The following PROM1 variants were observed in gnomAD, a reference collection of about 807,000 sequenced individuals.
The protein encoded by PROM1 is prominin-1.
A neutral mutation model predicts 116.9 loss-of-function variants in PROM1; 105 were observed. That is an observed-to-expected ratio of 0.90 (90% CI 0.77 to 1.06). The LOEUF is 1.06. Among genes scored for constraint, PROM1 ranks in the 50% least tolerant of loss-of-function variants. The probability of loss-of-function intolerance (pLI) is 0.00; values close to 1 mark genes in which losing one functional copy is unlikely to be tolerated. For missense variants in PROM1, 1,122 were observed against 1,045.2 expected, an observed-to-expected ratio of 1.07 and a Z score of -1.01; for synonymous variants, 393 against 387.0, an observed-to-expected ratio of 1.02 and a Z score of -0.18.
chr4:16,026,885 TG>T (rs1389159916), intron 5 of PROM1, among the ~76,000 whole-genome samples: 1 of 152,158 alleles, frequency 6.6e-6, no homozygotes, highest in Non-Finnish European at 1.5e-5. Flanking sequence ...TTCTGGGTCC[TG>T]TCCTGCCACC....
Position 16,033,586 on chromosome 4 carries a change from CTTTTTTTTTT to C in PROM1, c.304-87_304-78del, listed in dbSNP as rs60492380. ...AGAACATTCCATGGTGTACAAAGTT[CTTTTTTTTTT>C]TTTTTTTTTTTGAGACAGGGTCTCG... On this transcript the variant is annotated intron_variant, in intron 4 of 27. Coordinates refer to ENST00000447510, the MANE Select transcript of PROM1 (RefSeq NM_006017.3). The C allele has an allele frequency of 3.7e-5, 10 of 272,886 alleles. 1 individual carries two copies. The highest frequency in any genetic ancestry group is 2.8e-3 in the Middle Eastern group (2 of 704). The allele number at this position is 272,886 out of a possible 1,614,324, so 16.9% of individuals were successfully genotyped here. A position where few individuals can be genotyped will look rare whatever the true frequency, so the allele number is the denominator to read the frequency against.
intron 2 of PROM1, among the ~76,000 whole-genome samples, chr4:16,061,463 T>C (rs1740291688): frequency 6.6e-6 from 1 of 152,190 alleles, no homozygotes; most frequent in African/African-American, 2.4e-5. Flanking sequence ...CAAATGTATG[T>C]ATACACAATA....
At chr4:16,009,995 AAAAC>A (rs970974215) in intron 11 of PROM1, among the ~76,000 whole-genome samples, 3 of 152,180 alleles carry the variant, frequency 2.0e-5, no homozygotes, top group African/African-American at 4.8e-5. Context: ...GCCCATTTAA[AAAAC>A]AAACAAACAA....
chr4:16,036,641 CAT>C (rs1364355058), intron 3 of PROM1, among the ~76,000 whole-genome samples: 1 of 152,202 alleles, frequency 6.6e-6, no homozygotes, highest in African/African-American at 2.4e-5. Flanking sequence ...TGCTACAGCA[CAT>C]GAGTCAGAAG....
At chr4:15,994,983 G>A (rs1030484819) in intron 15 of PROM1, among the ~76,000 whole-genome samples, 1 of 152,228 alleles carries the variant, frequency 6.6e-6, no homozygotes, top group African/African-American at 2.4e-5. Flanking sequence ...ATGCCAGGCT[G>A]AGACACTTGG....
At position 16,045,683 on chromosome 4, in the gene PROM1, CAG is replaced by C. The variant is rs147844902; in HGVS notation, c.221-6684_221-6683del. 1.9e-3 allele frequency among the ~76,000 whole-genome samples: 283 copies of C among 152,260 alleles called. 1 individual carries two copies. The highest frequency in any genetic ancestry group is 6.6e-3 in the African/African-American group (276 of 41,538). On this transcript the variant is annotated intron_variant, in intron 2 of 27. Coordinates refer to ENST00000447510, the MANE Select transcript of PROM1 (RefSeq NM_006017.3). ...AAAGTAAACATACACATGACACATGCAGAGACTCACTGAAGCTTATAGACCAG... is the reference window on the plus strand; with the variant it reads ...AAAGTAAACATACACATGACACATGCAGACTCACTGAAGCTTATAGACCAG...
intron 26 of PROM1, among the ~76,000 whole-genome samples, chr4:15,977,372 C>T (rs1006462877): frequency 6.6e-6 from 1 of 152,180 alleles, no homozygotes; most frequent in Non-Finnish European, 1.5e-5. Context: ...GTCCTCTGAT[C>T]TTGAAAATTT....
intron 10 of PROM1, among the ~76,000 whole-genome samples, chr4:16,013,832 C>A (rs1326966655): frequency 6.6e-6 from 1 of 152,082 alleles, no homozygotes; most frequent in Admixed American, 6.6e-5. Flanking sequence ...GTCACCAGTG[C>A]TGAGGTTAAG....
At chr4:16,004,594 T>G (rs1349571806) in intron 13 of PROM1, among the ~76,000 whole-genome samples, 1 of 152,200 alleles carries the variant, frequency 6.6e-6, no homozygotes, top group East Asian at 1.9e-4. Context: ...GTTAAATTGT[T>G]GTTAAATTTG....
At chr4:16,032,742 T>G (rs1368413337) in intron 5 of PROM1, among the ~76,000 whole-genome samples, 2 of 152,248 alleles carry the variant, frequency 1.3e-5, no homozygotes, top group Non-Finnish European at 2.9e-5. Flanking sequence ...CAGCAGACAC[T>G]GCAGCAGAAA....
At chr4:16,071,459 T>G (rs1742790601) in intron 2 of PROM1, among the ~76,000 whole-genome samples, 1 of 152,206 alleles carries the variant, frequency 6.6e-6, no homozygotes, top group Non-Finnish European at 1.5e-5. Flanking sequence ...CTGACATTTC[T>G]GTGTTGAAGC....
chr4:16,030,027 CCTGT>C (rs1204092242), intron 5 of PROM1, among the ~76,000 whole-genome samples: 2 of 152,142 alleles, frequency 1.3e-5, no homozygotes, highest in Non-Finnish European at 2.9e-5. Context: ...TCTTTCTTCT[CCTGT>C]CTAACTACTC....
At chr4:16,073,351 G>GT (rs1743221890) in intron 2 of PROM1, among the ~76,000 whole-genome samples, 1 of 152,110 alleles carries the variant, frequency 6.6e-6, no homozygotes, top group African/African-American at 2.4e-5. Context: ...TTTCTGTTTT[G>GT]TTTTTTGCAT....
intron 2 of PROM1, among the ~76,000 whole-genome samples, chr4:16,073,098 T>C (rs1156333842): frequency 1.3e-5 from 2 of 152,168 alleles, no homozygotes; most frequent in Non-Finnish European, 2.9e-5. Flanking sequence ...CTGCTTGAAT[T>C]AAACTCTTTC....
chr4:16,018,791 G>A (rs565267985), intron 8 of PROM1, among the ~76,000 whole-genome samples: 2 of 152,242 alleles, frequency 1.3e-5, no homozygotes, highest in East Asian at 1.9e-4. Context: ...ACCAACCCAG[G>A]AGCATGATGG....
rs1480689476 is a variant in PROM1, at chr4:15,986,074, C to CAT, written c.2131-39_2131-38dup. 2.1e-6 allele frequency: 3 copies of CAT among 1,430,916 alleles called. No individual in the cohort carries two copies. In the Admixed American group the frequency reaches 6.2e-5, roughly 29 times the overall value. The allele number at this position is 1,430,916 out of a possible 1,614,324, so 88.6% of individuals were successfully genotyped here. ...AGCCACAGTTATCAGGGTATCAAGT[C>CAT]ATAGAAAGTTTTAATTAGACAATTT... On this transcript the variant is annotated intron_variant, in intron 20 of 27. Transcript: ENST00000447510.
At chr4:16,006,514 T>A in intron 13 of PROM1, 24 bp downstream of exon 13, 1 of 1,565,740 alleles carries the variant, frequency 6.4e-7, no homozygotes. Flanking sequence ...CACTCCCACA[T>A]GACAGAGAGG....
chr4:16,055,701 C>T (rs531587092), intron 2 of PROM1, among the ~76,000 whole-genome samples: 8 of 152,246 alleles, frequency 5.3e-5, no homozygotes, highest in South Asian at 4.2e-4. Context: ...TCAACCTTGA[C>T]GGTAATGAGA....
Position 15,968,509 on chromosome 4 carries a change from T to C in PROM1, c.*884A>G, listed in dbSNP as rs1340628370. 6.6e-6 allele frequency: 1 copy of C among 152,238 alleles called. No homozygotes were observed. Among genetic ancestry groups the C allele is most frequent in the African/African-American group, 2.4e-5 (1 of 41,466 alleles). 9.4% of individuals were successfully genotyped at this position (152,238 alleles called of 1,614,324 possible). The stretch of plus-strand genomic sequence containing the variant: ...AGAATTGTGACAGGATCTTCTCATA[T>C]TTCATTTTAGAACACTTGATACTAG... On this transcript the variant is annotated 3_prime_UTR_variant, in exon 28 of 28. Coordinates refer to ENST00000447510, the MANE Select transcript of PROM1 (RefSeq NM_006017.3).
Sources: gnomAD v4.1 joint callset for allele counts (sites outside exome capture counted in the v4.1 genomes callset) on GRCh38, gnomAD v4.1.1 for gene constraint, MANE v1.5 for transcripts, NCBI Gene and HGNC (gene_info 2026-07-23, HGNC 2026-07-21) for gene names.